Variants in ATP8B4 observed in about 807,000 individuals in gnomAD.
ATP8B4 encodes the protein probable phospholipid-transporting ATPase IM.
ATP8B4 carries 133 observed loss-of-function variants against 145.6 expected under a neutral mutation model. That is an observed-to-expected ratio of 0.91 (90% CI 0.79 to 1.05). The LOEUF (loss-of-function observed/expected upper bound fraction) is 1.05, where lower values mean the gene tolerates loss of function less well. ATP8B4 is among the 50% of genes least tolerant of loss of function. The pLI is 0.00. For synonymous variants in ATP8B4, 507 were observed against 492.9 expected (o/e 1.03, Z -0.38); for missense variants, 1,458 against 1,425.2 (o/e 1.02, Z -0.37).
chr15:50,136,633 C>G (rs2044124896), intron 1 of ATP8B4, among the ~76,000 whole-genome samples: 1 of 152,220 alleles, frequency 6.6e-6, no homozygotes, highest in South Asian at 2.1e-4. Flanking sequence ...GAACAGATGT[C>G]CCATTTGGGG....
chr15:50,069,247 T>G (rs1326188543), intron 3 of ATP8B4, among the ~76,000 whole-genome samples: 1 of 152,242 alleles, frequency 6.6e-6, no homozygotes, highest in Non-Finnish European at 1.5e-5. Flanking sequence ...ATATCATGTC[T>G]AATTTACAAA....
At position 49,886,829 on chromosome 15, in the gene ATP8B4, A is replaced by G. The variant is rs1324967219; in HGVS notation, c.2698-7370T>C. On this transcript the variant is annotated intron_variant, in intron 23 of 27. Transcript: ENST00000284509. ...ACAAGCAATTTTTTTTTTTTTTTTG[A>G]GACAGAGTTTCACTCTTTTGCCCAG... 3.4e-5 allele frequency among the ~76,000 whole-genome samples: 5 copies of G among 145,896 alleles called. 1 individual carries two copies. Among genetic ancestry groups the G allele is most frequent in the Admixed American group, 6.8e-5 (1 of 14,802 alleles).
At chr15:50,137,323 G>A (rs1870618591) in intron 1 of ATP8B4, among the ~76,000 whole-genome samples, 1 of 152,194 alleles carries the variant, frequency 6.6e-6, no homozygotes, top group Non-Finnish European at 1.5e-5. Flanking sequence ...GAGAGAAGCT[G>A]TCTAGATCCT....
intron 14 of ATP8B4, among the ~76,000 whole-genome samples, chr15:49,941,102 T>C (rs554733947): frequency 2.6e-5 from 4 of 152,092 alleles, no homozygotes; most frequent in South Asian, 4.2e-4. Context: ...TAGACATTTA[T>C]AGGGGAGGGG....
chr15:50,180,635 G>A (rs949565079), intron 1 of ATP8B4, among the ~76,000 whole-genome samples: 1 of 152,138 alleles, frequency 6.6e-6, no homozygotes, highest in African/African-American at 2.4e-5. Flanking sequence ...GGATGAAAAA[G>A]GAAGGGCTGG....
chr15:49,860,178 T>C lies in ATP8B4; in HGVS notation c.*16A>G. The C allele has an allele frequency of 6.3e-7, 1 of 1,596,298 alleles. No homozygotes were observed. Among genetic ancestry groups the C allele is most frequent in the Non-Finnish European group, 8.5e-7 (1 of 1,171,262 alleles). ...TGAAGTGAAAAGATAACTACGTGGT[T>C]TAAATTCATATTGACTCACAGTTTC... On this transcript the variant is annotated 3_prime_UTR_variant, in exon 28 of 28. Coordinates refer to ENST00000284509, the MANE Select transcript of ATP8B4 (RefSeq NM_024837.4).
intron 3 of ATP8B4, among the ~76,000 whole-genome samples, chr15:50,071,326 T>C (rs908703668): frequency 6.6e-6 from 1 of 152,190 alleles, no homozygotes; most frequent in Non-Finnish European, 1.5e-5. Flanking sequence ...TCCCCGTGCT[T>C]CTCTGTGAGT....
At chr15:49,983,179 C>T (rs927553066) in intron 10 of ATP8B4, among the ~76,000 whole-genome samples, 1 of 152,146 alleles carries the variant, frequency 6.6e-6, no homozygotes, top group Admixed American at 6.6e-5. Context: ...AGATGTGTAT[C>T]CCCAGCTCAT....
chr15:49,969,175 A>G (rs1253644608), intron 13 of ATP8B4, among the ~76,000 whole-genome samples: 1 of 152,246 alleles, frequency 6.6e-6, no homozygotes, highest in Non-Finnish European at 1.5e-5. Flanking sequence ...GAAAGATGGA[A>G]AGATCTAAAA....
chr15:50,058,196 G>T (rs1032752837), intron 3 of ATP8B4, among the ~76,000 whole-genome samples: 2 of 152,088 alleles, frequency 1.3e-5, no homozygotes, highest in Non-Finnish European at 1.5e-5. Context: ...AATCAACTGG[G>T]GATCTAGGGA....
At chr15:49,876,576 C>A (rs1379744956) in intron 24 of ATP8B4, 53 bp from the exon 25 acceptor site, 57 of 1,602,232 alleles carry the variant, frequency 3.6e-5, no homozygotes, top group Non-Finnish European at 4.7e-5. Flanking sequence ...GTCAGAGAGG[C>A]CTTGTATTCC....
chr15:49,919,342 G>A (rs1475151309), intron 18 of ATP8B4, among the ~76,000 whole-genome samples: 1 of 152,184 alleles, frequency 6.6e-6, no homozygotes, highest in African/African-American at 2.4e-5. Context: ...AAAAAGTCTA[G>A]TCATTCTTCT....
rs56814126 is a variant in ATP8B4 at position 50,027,379 on chromosome 15, G to GTGGA, written c.362+11385_362+11388dup. On this transcript the variant is annotated intron_variant, in intron 6 of 27. Coordinates refer to ENST00000284509, the MANE Select transcript of ATP8B4 (RefSeq NM_024837.4). ...TGTTATTTAAATATGGGATGGATGGGTGGATGGATGGATGGATGGATGGAT... is the reference window on the plus strand; with the variant it reads ...TGTTATTTAAATATGGGATGGATGGGTGGATGGATGGATGGATGGATGGATGGAT... Among the ~76,000 whole-genome samples, 146 of 149,026 alleles carry GTGGA rather than the reference G, an allele frequency of 9.8e-4. 1 individual carries two copies. Among genetic ancestry groups the GTGGA allele is most frequent in the Middle Eastern group, 3.4e-3 (1 of 294 alleles).
At chr15:49,939,567 T>C (rs12905409) in intron 14 of ATP8B4, among the ~76,000 whole-genome samples, 57,575 of 151,864 alleles carry the variant, frequency 0.38, 11,536 homozygotes, top group African/African-American at 0.42. Flanking sequence ...AATTGAAACC[T>C]TGAACAGACC....
Position 49,981,264 on chromosome 15 carries a change from C to G in ATP8B4, c.779G>C (p.Gly260Ala). ...GCTTGTCCTTTTAAACTTTGTCTTA[C>G]CACTATTCTGCATTAGTTTAGTGTC... ...GPDTKLMQNS[G>A]KTKFKRTSID... Residue 260 changes from glycine (G) to alanine (A), a missense_variant, in exon 11 of 28, where the codon GGT becomes GCT. By Grantham distance (60) the Gly-to-Ala change is moderately conservative. Transcript: ENST00000284509. 1 of 1,609,670 alleles carries G rather than the reference C, an allele frequency of 6.2e-7. No homozygotes were observed. The highest frequency in any genetic ancestry group is 8.5e-7 in the Non-Finnish European group (1 of 1,178,560).
chr15:50,148,610 C>T (rs1327785628), intron 1 of ATP8B4, among the ~76,000 whole-genome samples: 1 of 152,188 alleles, frequency 6.6e-6, no homozygotes, highest in South Asian at 2.1e-4. Flanking sequence ...GATAACCAAA[C>T]CTGCTAATGC....
chr15:49,921,295 G>T (rs1017577834), intron 17 of ATP8B4, among the ~76,000 whole-genome samples: 1 of 152,170 alleles, frequency 6.6e-6, no homozygotes, highest in Non-Finnish European at 1.5e-5. Flanking sequence ...TGCAAAAAAG[G>T]TATTATTTTT....
intron 27 of ATP8B4, among the ~76,000 whole-genome samples, chr15:49,860,929 T>C (rs1277899168): frequency 2.0e-5 from 3 of 152,180 alleles, no homozygotes; most frequent in Non-Finnish European, 4.4e-5. Context: ...TCAATTCTTG[T>C]GGTAGCTCAA....
chr15:49,866,931 T>A (rs2153379847), intron 25 of ATP8B4, among the ~76,000 whole-genome samples: 1 of 152,344 alleles, frequency 6.6e-6, no homozygotes, highest in Middle Eastern at 3.4e-3. Flanking sequence ...ACATGCATGA[T>A]CTTTTTTACA....
Sources: gnomAD v4.1 joint callset for allele counts (sites outside exome capture counted in the v4.1 genomes callset) on GRCh38, gnomAD v4.1.1 for gene constraint, MANE v1.5 for transcripts, NCBI Gene and HGNC (gene_info 2026-07-23, HGNC 2026-07-21) for gene names.